The following DCLK1 variants were observed in gnomAD, a reference collection of about 807,000 sequenced individuals.
DCLK1 encodes doublecortin like kinase 1.
Under a neutral mutation model 86.2 loss-of-function variants are expected in DCLK1, and 16 were observed. The ratio of observed to expected loss-of-function variants is 0.19; its 90% CI spans 0.13 to 0.28. The LOEUF (loss-of-function observed/expected upper bound fraction) is 0.28. Among genes scored for constraint, DCLK1 ranks in the 10% least tolerant of loss-of-function variants. The pLI is 1.00. For synonymous variants in DCLK1, 369 were observed against 370.5 expected (o/e 1.00, Z 0.05); for missense variants, 590 against 940.2 (o/e 0.63, Z 4.87).
intron 11 of DCLK1, among the ~76,000 whole-genome samples, chr13:35,820,741 A>T (rs996056613): frequency 6.6e-6 from 1 of 152,196 alleles, no homozygotes; most frequent in African/African-American, 2.4e-5. Flanking sequence ...AGATGAGAGA[A>T]AATTGCTGCA....
chr13:36,124,616 G>A (rs113180340), intron 2 of DCLK1, among the ~76,000 whole-genome samples: 10 of 152,300 alleles, frequency 6.6e-5, no homozygotes, highest in African/African-American at 2.2e-4. Context: ...CAACTCCAAC[G>A]GGGCTGCAAC....
chr13:35,862,742 G>A (rs1032336015), intron 5 of DCLK1, among the ~76,000 whole-genome samples: 3 of 152,056 alleles, frequency 2.0e-5, no homozygotes, highest in African/African-American at 7.3e-5. Context: ...TAATGTCTTT[G>A]TGCCTTAGCT....
intron 4 of DCLK1, among the ~76,000 whole-genome samples, chr13:35,902,132 T>G (rs995109305): frequency 6.6e-6 from 1 of 152,248 alleles, no homozygotes; most frequent in Admixed American, 6.5e-5. Flanking sequence ...CAATGCATTT[T>G]AAGTTAACCA....
chr13:35,829,245 G>A (rs1868752031), intron 8 of DCLK1, among the ~76,000 whole-genome samples: 1 of 152,182 alleles, frequency 6.6e-6, no homozygotes, highest in Non-Finnish European at 1.5e-5. Context: ...CCTGATTTGT[G>A]CTAACATTGC....
chr13:35,812,259 G>T (rs2087163025), intron 11 of DCLK1, among the ~76,000 whole-genome samples: 1 of 152,156 alleles, frequency 6.6e-6, no homozygotes, highest in African/African-American at 2.4e-5. Context: ...CCCTCTGTTG[G>T]AATGAATAAG....
At position 35,805,735 on chromosome 13, in the gene DCLK1, A is replaced by G; in HGVS notation, c.1908T>C (p.Phe636=). 1 of 1,613,990 alleles carries G rather than the reference A, an allele frequency of 6.2e-7. No individual in the cohort carries two copies. Among genetic ancestry groups the G allele is most frequent in the South Asian group, 1.1e-5 (1 of 91,066 alleles). The change falls in exon 15 of 17, where the codon TTT becomes TTC. Residue 636 remains phenylalanine (F), a synonymous_variant. Transcript: ENST00000360631. ...GATGCTCAAGTACTTGAACAGCAGA[A>G]AATCGCTGATCTACATCGACCAACA... ...MMLLVDVDQR[F]SAVQVLEHPW... is the part of the protein sequence containing the mutation.
intron 4 of DCLK1, among the ~76,000 whole-genome samples, chr13:35,890,355 G>T (rs1237088841): frequency 6.6e-6 from 1 of 152,024 alleles, no homozygotes; most frequent in Non-Finnish European, 1.5e-5. Flanking sequence ...TGATAACTTT[G>T]ATTTTATTTT....
intron 4 of DCLK1, among the ~76,000 whole-genome samples, chr13:35,881,233 A>G (rs1346251740): frequency 2.0e-5 from 3 of 152,220 alleles, no homozygotes; most frequent in African/African-American, 7.2e-5. Context: ...AACCCTTGTA[A>G]CAATTGACCT....
chr13:35,805,265 A>G (rs2087001200), intron 15 of DCLK1: 1 of 160,900 alleles, frequency 6.2e-6, no homozygotes, highest in African/African-American at 2.4e-5. Context: ...GTCCTGGCAC[A>G]TATGAGGGGG....
At chr13:36,081,965 ACTAT>A (rs1884435030) in intron 3 of DCLK1, among the ~76,000 whole-genome samples, 1 of 152,216 alleles carries the variant, frequency 6.6e-6, no homozygotes, top group Non-Finnish European at 1.5e-5. Context: ...TTGGATATGC[ACTAT>A]CTAATGAGGG....
At chr13:35,990,467 T>C (rs1274208729) in intron 3 of DCLK1, among the ~76,000 whole-genome samples, 1 of 151,896 alleles carries the variant, frequency 6.6e-6, no homozygotes, top group African/African-American at 2.4e-5. Flanking sequence ...TGTCTCTCTG[T>C]TCATCTTCAG....
chr13:35,887,878 CAAAAAAAAAAAAAAAAA>C (rs760195385), intron 4 of DCLK1, among the ~76,000 whole-genome samples: 14 of 38,746 alleles, frequency 3.6e-4, no homozygotes, highest in South Asian at 1.3e-3. Context: ...GATCTTGTCT[CAAAAAAAAAAAAAAAAA>C]AAAAAAAAAA....
chr13:35,777,315 T>C (rs968307198), intron 16 of DCLK1, among the ~76,000 whole-genome samples: 1 of 152,224 alleles, frequency 6.6e-6, no homozygotes, highest in African/African-American at 2.4e-5. Context: ...TTTTGTCCAA[T>C]GTTCTGTCTT....
chr13:35,836,172 T>C, intron 7 of DCLK1, 31 bp from the exon 8 acceptor site: 1 of 1,549,444 alleles, frequency 6.5e-7, no homozygotes. Flanking sequence ...TTTTTATTGG[T>C]TGAAAAGGGA....
At chr13:35,890,627 G>C (rs573105289) in intron 4 of DCLK1, among the ~76,000 whole-genome samples, 1 of 152,230 alleles carries the variant, frequency 6.6e-6, no homozygotes, top group East Asian at 1.9e-4. Flanking sequence ...GCAGACTGAC[G>C]TGTCTTTAAA....
intron 3 of DCLK1, among the ~76,000 whole-genome samples, chr13:36,006,650 C>T (rs530861855): frequency 1.3e-5 from 2 of 152,300 alleles, no homozygotes; most frequent in Admixed American, 1.3e-4. Flanking sequence ...GAAAAAATTA[C>T]TTCATTTTGT....
At chr13:35,867,895 G>GAA (rs1375467184) in intron 5 of DCLK1, among the ~76,000 whole-genome samples, 6 of 79,074 alleles carry the variant, frequency 7.6e-5, no homozygotes, top group African/African-American at 2.4e-4. Flanking sequence ...GAGAGAGAAA[G>GAA]AGAGAAAGAA....
In DCLK1 at chr13:35,958,181, A is replaced by ACAACCATT. The variant is rs1878197356; in HGVS notation, c.724-10725_724-10724insAATGGTTG. 5.5e-5 allele frequency among the ~76,000 whole-genome samples: 6 copies of ACAACCATT among 108,196 alleles called. 1 individual carries two copies. The highest frequency in any genetic ancestry group is 7.9e-5 in the African/African-American group (2 of 25,210). The allele number at this position is 108,196 out of a possible 152,430, so 71.0% of individuals were successfully genotyped here. A position where few individuals can be genotyped will look rare whatever the true frequency, so the allele number is the denominator to read the frequency against. ...TAACCATCACCACCATCACCACTAT[A>ACAACCATT]ACCACCACTACCACCACCACCATTA... On this transcript the variant is annotated intron_variant, in intron 3 of 16. Transcript: ENST00000360631.
At chr13:36,039,058 A>G (rs1268931855) in intron 3 of DCLK1, among the ~76,000 whole-genome samples, 6 of 152,210 alleles carry the variant, frequency 3.9e-5, no homozygotes, top group Non-Finnish European at 7.3e-5. Flanking sequence ...GAAGAATCCT[A>G]TCAAATGTCC....
Sources: allele counts gnomAD v4.1 joint callset (sites outside exome capture counted in the v4.1 genomes callset), GRCh38; gene constraint gnomAD v4.1.1; transcripts MANE v1.5; gene names NCBI Gene and HGNC (gene_info 2026-07-23, HGNC 2026-07-21).